MAN2B2: variants seen among roughly 807,000 people sequenced by gnomAD.
The protein encoded by MAN2B2 is epididymis-specific alpha-mannosidase.
Under a neutral mutation model 117.1 loss-of-function variants are expected in MAN2B2, and 106 were observed. The observed-to-expected ratio is 0.90, with a 90% confidence interval of 0.77 to 1.06. MAN2B2 has a LOEUF of 1.06. MAN2B2 is among the 50% of genes least tolerant of loss of function. MAN2B2 has a pLI of 0.00. For synonymous variants in MAN2B2, 544 were observed against 595.1 expected (o/e 0.91, Z 1.25); for missense variants, 1,326 against 1,381.4 (o/e 0.96, Z 0.64).
At chr4:6,613,528 T>C (rs1015191622) in intron 15 of MAN2B2, among the ~76,000 whole-genome samples, 6 of 150,618 alleles carry the variant, frequency 4.0e-5, no homozygotes, top group Admixed American at 6.6e-5. Context: ...TGAGCTGTGA[T>C]TGCACCACTG....
intron 12 of MAN2B2, 138 bp downstream of exon 12, chr4:6,609,436 G>T (rs1174786417): frequency 4.8e-6 from 4 of 830,522 alleles, no homozygotes; most frequent in Non-Finnish European, 7.5e-6. Context: ...ATGAAGAAAT[G>T]AATTGCTCTG....
In MAN2B2 at chr4:6,579,042, TCAC is replaced by T. The variant is rs1560634123; in HGVS notation, c.391+550_391+552del. Among the ~76,000 whole-genome samples, 12 of 48,842 alleles carry T rather than the reference TCAC, an allele frequency of 2.5e-4. No individual in the cohort carries two copies. The East Asian group carries it at 2.5e-3, about 10-fold the overall frequency. 32.0% of individuals were successfully genotyped at this position (48,842 alleles called of 152,430 possible). ...ACCATCACCATCACCACTACCACCA[TCAC>T]CACCATCACCACCACCATCACCATC... On this transcript the variant is annotated intron_variant, in intron 3 of 18. Coordinates refer to ENST00000285599, the MANE Select transcript of MAN2B2 (RefSeq NM_015274.3).
chr4:6,580,636 C>G lies in MAN2B2; in HGVS notation c.391+2138C>G, dbSNP rs111551376. Among the ~76,000 whole-genome samples, 1,160 of 152,358 alleles carry G rather than the reference C, an allele frequency of 7.6e-3. 23 individuals carry two copies. The highest frequency in any genetic ancestry group is 0.025 in the African/African-American group (1,046 of 41,584). ...CCTCCCGCAGGAAATCTCTGAGTCTCTGCAGTTCTGTGTCACCTCCCCACT... is the reference window on the plus strand; with the variant it reads ...CCTCCCGCAGGAAATCTCTGAGTCTGTGCAGTTCTGTGTCACCTCCCCACT... On this transcript the variant is annotated intron_variant, in intron 3 of 18. Transcript: ENST00000285599.
chr4:6,583,971 A>G (rs1726539167), intron 3 of MAN2B2, among the ~76,000 whole-genome samples: 1 of 152,170 alleles, frequency 6.6e-6, no homozygotes, highest in African/African-American at 2.4e-5. Flanking sequence ...TGGAAGGTCA[A>G]ACTCCGCCAT....
At chr4:6,579,091 C>T (rs1217487362) in intron 3 of MAN2B2, among the ~76,000 whole-genome samples, 3 of 76,048 alleles carry the variant, frequency 3.9e-5, no homozygotes, top group Non-Finnish European at 7.8e-5. Flanking sequence ...CCACCATCAC[C>T]ATCACCAGCA....
intron 11 of MAN2B2, among the ~76,000 whole-genome samples, chr4:6,605,695 C>T (rs981710749): frequency 3.3e-5 from 5 of 151,948 alleles, no homozygotes; most frequent in African/African-American, 1.2e-4. Flanking sequence ...TCTAATCCCA[C>T]CCACCCACCT....
intron 15 of MAN2B2, among the ~76,000 whole-genome samples, chr4:6,613,890 GA>G (rs1711718689): frequency 6.6e-6 from 1 of 151,958 alleles, no homozygotes; most frequent in African/African-American, 2.4e-5. Context: ...AGAGAGAGAG[GA>G]GAGGGCTGTG....
At chr4:6,592,285 C>T (rs1726888789) in intron 5 of MAN2B2, among the ~76,000 whole-genome samples, 1 of 152,192 alleles carries the variant, frequency 6.6e-6, no homozygotes, top group African/African-American at 2.4e-5. Context: ...TTCATTTAAT[C>T]CTCACAACAA....
intron 15 of MAN2B2, among the ~76,000 whole-genome samples, chr4:6,611,669 C>G (rs908676872): frequency 6.6e-6 from 1 of 152,174 alleles, no homozygotes; most frequent in African/African-American, 2.4e-5. Flanking sequence ...GCCTGTAATC[C>G]TGTAATGCCA....
intron 18 of MAN2B2, 119 bp downstream of exon 18, chr4:6,620,163 G>A (rs990769158): frequency 8.7e-6 from 7 of 808,564 alleles, no homozygotes; most frequent in Admixed American, 8.0e-5. Context: ...TTGCGAGGCT[G>A]CTTTCCTACT....
chr4:6,617,976 T>C (rs979608297), intron 17 of MAN2B2: 26 of 167,104 alleles, frequency 1.6e-4, no homozygotes, highest in Non-Finnish European at 2.7e-4. Context: ...GCCTCCCGAG[T>C]AGCTGGGATT....
At position 6,621,615 on chromosome 4, in the gene MAN2B2, C is replaced by T. The variant is rs115468858; in HGVS notation, c.*330C>T. On this transcript the variant is annotated 3_prime_UTR_variant, in exon 19 of 19. Coordinates refer to ENST00000285599, the MANE Select transcript of MAN2B2 (RefSeq NM_015274.3). ...TCTGCCTAAGGCAGAGCACAAGACT[C>T]ACAGCAGCACCGAAGCGCATCTGCC... is the stretch of plus-strand genomic sequence containing the variant. The T allele has an allele frequency of 0.043, 8,966 of 207,446 alleles. 261 individuals are homozygous for T. Among genetic ancestry groups the T allele is most frequent in the Non-Finnish European group, 0.061 (6,285 of 103,678 alleles). The allele number at this position is 207,446 out of a possible 1,614,324, so 12.9% of individuals were successfully genotyped here.
chr4:6,620,145 G>A, intron 18 of MAN2B2, 101 bp downstream of exon 18: 5 of 977,864 alleles, frequency 5.1e-6, no homozygotes, highest in Non-Finnish European at 7.5e-6. Flanking sequence ...GTCCCGGCCT[G>A]TGCGACCTTG....
chr4:6,588,641 G>C (rs545930463), intron 4 of MAN2B2, among the ~76,000 whole-genome samples: 1 of 152,282 alleles, frequency 6.6e-6, no homozygotes, highest in African/African-American at 2.4e-5. Flanking sequence ...CTTGAACCAG[G>C]GAGGTGAAGG....
chr4:6,592,384 T>G (rs1202644425), intron 5 of MAN2B2, among the ~76,000 whole-genome samples: 1 of 152,130 alleles, frequency 6.6e-6, no homozygotes, highest in Non-Finnish European at 1.5e-5. Flanking sequence ...TTTGGGAGGC[T>G]GAGGTGGGAG....
intron 3 of MAN2B2, among the ~76,000 whole-genome samples, chr4:6,580,120 A>G (rs528491824): frequency 5.3e-5 from 8 of 152,200 alleles, no homozygotes; most frequent in Non-Finnish European, 1.2e-4. Context: ...TCTCATCTGT[A>G]ATCTGGAGTG....
chr4:6,585,226 G>A (rs995402142), intron 3 of MAN2B2, among the ~76,000 whole-genome samples: 1 of 152,136 alleles, frequency 6.6e-6, no homozygotes, highest in Admixed American at 6.5e-5. Context: ...CTTGCTCATA[G>A]GTCTGACTGC....
intron 10 of MAN2B2, 107 bp downstream of exon 10, chr4:6,600,863 GT>G: frequency 7.3e-7 from 1 of 1,363,992 alleles, no homozygotes; most frequent in Non-Finnish European, 9.9e-7. Flanking sequence ...TATCACCTTT[GT>G]TTTACAGAAG....
In MAN2B2 at chr4:6,617,415, G is replaced by A. The variant is rs1711936496; in HGVS notation, c.2737G>A (p.Val913Ile). 2.5e-6 allele frequency: 4 copies of A among 1,614,172 alleles called. No individual in the cohort carries two copies. The highest frequency in any genetic ancestry group is 3.4e-6 in the Non-Finnish European group (4 of 1,180,024). ...GGAAGCCCAGGCTGACCTCCGCCGT[G>A]TCCTGCTGCGGCTCTACCACCTATA... ...RGEAQADLRR[V>I]LLRLYHLYEV... The change falls in exon 17 of 19, where the codon GTC (valine) becomes ATC (isoleucine). Residue 913 changes from valine to isoleucine, a missense_variant. By Grantham distance (29) the Val-to-Ile change is conservative. Coordinates refer to ENST00000285599, the MANE Select transcript of MAN2B2 (RefSeq NM_015274.3).
Sources: allele counts gnomAD v4.1 joint callset (sites outside exome capture counted in the v4.1 genomes callset), GRCh38; gene constraint gnomAD v4.1.1; transcripts MANE v1.5; gene names NCBI Gene and HGNC (gene_info 2026-07-23, HGNC 2026-07-21).